SCAF11: variants seen among roughly 807,000 people sequenced by gnomAD.
SCAF11 encodes the protein SR-related CTD associated factor 11, also known as protein SCAF11.
SCAF11 carries 47 observed loss-of-function variants against 140.5 expected under a neutral mutation model. The observed-to-expected ratio is 0.33, with a 90% CI of 0.26 to 0.43. The LOEUF (loss-of-function observed/expected upper bound fraction) is 0.43. Among genes scored for constraint, SCAF11 ranks in the 20% least tolerant of loss-of-function variants. The pLI is 1.00. For missense variants in SCAF11, 1,645 were observed against 1,705.1 expected (o/e 0.96, Z 0.62); for synonymous variants, 557 against 579.4 (o/e 0.96, Z 0.55).
At chr12:45,981,250 A>G (rs543656532) in intron 1 of SCAF11, among the ~76,000 whole-genome samples, 25 of 152,322 alleles carry the variant, frequency 1.6e-4, no homozygotes, top group African/African-American at 4.8e-4. Context: ...CGACACCATA[A>G]AAGTATATCA....
At chr12:45,924,409 A>T (rs1324871413) in intron 12 of SCAF11, among the ~76,000 whole-genome samples, 1 of 152,160 alleles carries the variant, frequency 6.6e-6, no homozygotes, top group African/African-American at 2.4e-5. Context: ...CAGGGGAAAA[A>T]TGTAAAGCAC....
chr12:45,948,665 T>A (rs925381414), intron 4 of SCAF11, 128 bp from the exon 5 acceptor site: 2 of 618,368 alleles, frequency 3.2e-6, no homozygotes, highest in Admixed American at 2.9e-5. Flanking sequence ...TCCAAATACA[T>A]ATGCTTATTC....
chr12:45,964,116 C>T lies in SCAF11; in HGVS notation c.52G>A (p.Asp18Asn), dbSNP rs1464205480. The change falls in exon 2 of 15, where the codon GAC (aspartate) becomes AAC (asparagine). Residue 18 changes from aspartate (D) to asparagine (N), a missense_variant. Asp to Asn is a conservative substitution (Grantham distance 23). Coordinates refer to ENST00000369367, the MANE Select transcript of SCAF11 (RefSeq NM_004719.3). Reference protein sequence around the residue: ...TLNMGDKKYEDMEGEENGDNT... With the variant: ...TLNMGDKKYENMEGEENGDNT... ...AAAAATGAAAAGTTACCTTCCATGT[C>T]TTCATACTTCTTATCTCCCATATTT... 7 of 1,508,668 alleles carry T rather than the reference C, an allele frequency of 4.6e-6. No homozygotes were observed. In the South Asian group the frequency reaches 7.0e-5, roughly 15 times the overall value. 93.5% of individuals were successfully genotyped at this position (1,508,668 alleles called of 1,614,324 possible).
chr12:45,955,609 T>C (rs1222790486), intron 3 of SCAF11: 4 of 152,962 alleles, frequency 2.6e-5, no homozygotes, highest in Non-Finnish European at 4.4e-5. Flanking sequence ...TTTAAACTAA[T>C]GTAAAGAAAT....
At position 45,939,859 on chromosome 12, in the gene SCAF11, C is replaced by T. The variant is rs148867730; in HGVS notation, c.464-5354G>A. ...AAAAGAAATTTAAATTATCCTTAGGCTATATCATGGTTTCTGTTCAGTGTA... is the reference window on the plus strand; with the variant it reads ...AAAAGAAATTTAAATTATCCTTAGGTTATATCATGGTTTCTGTTCAGTGTA... On this transcript the variant is annotated intron_variant, in intron 6 of 14. Coordinates refer to ENST00000369367, the MANE Select transcript of SCAF11 (RefSeq NM_004719.3). Among the ~76,000 whole-genome samples the T allele has an allele frequency of 6.4e-3, 968 of 152,296 alleles. 6 individuals are homozygous for T. Among genetic ancestry groups the T allele is most frequent in the Non-Finnish European group, 0.01 (714 of 68,012 alleles).
intron 5 of SCAF11, 137 bp downstream of exon 5, chr12:45,948,300 C>T: frequency 5.0e-6 from 3 of 599,758 alleles, no homozygotes; most frequent in Non-Finnish European, 5.8e-6. Context: ...CTAGTCCCTC[C>T]TTAAATTATC....
Position 45,927,543 on chromosome 12 carries a change from C to T in SCAF11, c.2158G>A (p.Glu720Lys). Residue 720 changes from glutamate to lysine, a missense_variant, in exon 11 of 15, where the codon GAG becomes AAG. By Grantham distance (56) the Glu-to-Lys change is moderately conservative (BLOSUM62 1). Transcript: ENST00000369367. ...TGGTCACTGCAAAATGAATCACACTCCATAGGTATCATTTCATTGTTGTCC... is the reference window on the plus strand; with the variant it reads ...TGGTCACTGCAAAATGAATCACACTTCATAGGTATCATTTCATTGTTGTCC... ...SEDNNEMIPM[E>K]CDSFCSDQNE... 6.2e-7 allele frequency: 1 copy of T among 1,613,452 alleles called. No homozygotes were observed. Among genetic ancestry groups the T allele is most frequent in the Non-Finnish European group, 8.5e-7 (1 of 1,179,932 alleles).
rs369652954 is a variant in SCAF11 at position 45,948,560 on chromosome 12, T to C, written c.298-23A>G. On this transcript the variant is annotated intron_variant, in intron 4 of 14. Transcript: ENST00000369367. ...AACCTATGAGAAAAGCAAAATCAAT[T>C]TAGAGCAACAATCCAGCCTTACAAA... 7 of 1,398,234 alleles carry C rather than the reference T, an allele frequency of 5.0e-6. No individual in the cohort carries two copies. In the African/African-American group the frequency reaches 8.6e-5, roughly 17 times the overall value. The allele number at this position is 1,398,234 out of a possible 1,614,324, so 86.6% of individuals were successfully genotyped here.
intron 6 of SCAF11, among the ~76,000 whole-genome samples, chr12:45,937,868 C>T (rs1945206282): frequency 6.6e-6 from 1 of 152,130 alleles, no homozygotes; most frequent in Non-Finnish European, 1.5e-5. Context: ...TCCAGTCTTT[C>T]ATTGGGTACT....
At chr12:45,925,685 G>C (rs1224055874) in intron 11 of SCAF11, among the ~76,000 whole-genome samples, 1 of 151,522 alleles carries the variant, frequency 6.6e-6, no homozygotes, top group Non-Finnish European at 1.5e-5. Flanking sequence ...TAAATTATAA[G>C]GTTATTCAAT....
intron 5 of SCAF11, among the ~76,000 whole-genome samples, chr12:45,946,556 A>G (rs1945427733): frequency 6.6e-6 from 1 of 152,222 alleles, no homozygotes. Context: ...TTAGACTCAA[A>G]TAAGAGCTGT....
At position 45,926,720 on chromosome 12, in the gene SCAF11, T is replaced by G; in HGVS notation, c.2981A>C (p.Glu994Ala). The G allele has an allele frequency of 6.2e-7, 1 of 1,613,338 alleles. No individual in the cohort carries two copies. The change falls in exon 11 of 15, where the codon GAA becomes GCA. Residue 994 changes from glutamate (E) to alanine (A), a missense_variant. Transcript: ENST00000369367. ...YRKNDPEKQN[E>A]NTRKEKNDIH... ...GTCATTTTTTTCTTTTCTTGTATTT[T>G]CATTCTGTTTCTCTGGGTCATTCTT...
At position 45,942,422 on chromosome 12, in the gene SCAF11, T is replaced by C. The variant is rs534324101; in HGVS notation, c.463+2827A>G. 3.9e-5 allele frequency among the ~76,000 whole-genome samples: 6 copies of C among 152,248 alleles called. No individual in the cohort carries two copies. The South Asian group carries it at 1.2e-3, about 31-fold the overall frequency. ...TTCCACTTCTACTCTTATTCGTCTA[T>C]GATTTTCTTCCCTTCACAGCCAGAG... On this transcript the variant is annotated intron_variant, in intron 6 of 14. Coordinates refer to ENST00000369367, the MANE Select transcript of SCAF11 (RefSeq NM_004719.3).
intron 8 of SCAF11, 80 bp from the exon 9 acceptor site, chr12:45,933,312 C>A: frequency 1.1e-6 from 1 of 926,752 alleles, no homozygotes; most frequent in South Asian, 1.6e-5. Context: ...CAAAGAATAG[C>A]AGTCGTTTTT....
chr12:45,954,979 T>C (rs560328608), intron 3 of SCAF11: 41 of 151,906 alleles, frequency 2.7e-4, no homozygotes, highest in African/African-American at 8.9e-4. Context: ...GTTTGCCTAG[T>C]TTCATTTTAA....
At chr12:45,935,936 T>C (rs1362652322) in intron 6 of SCAF11, among the ~76,000 whole-genome samples, 1 of 152,220 alleles carries the variant, frequency 6.6e-6, no homozygotes, top group Non-Finnish European at 1.5e-5. Flanking sequence ...TGGGCAGTGA[T>C]ACGCCTTTTC....
In SCAF11 at chr12:45,964,881, C is replaced by T. The variant is rs1415209760; in HGVS notation, c.-21-693G>A. ...TATGGAGAAATACAATAACATTTAG[C>T]TAGGCCAATCTCACAATTGAGCGGG... On this transcript the variant is annotated intron_variant, in intron 1 of 14. Transcript: ENST00000369367. 3.9e-5 allele frequency among the ~76,000 whole-genome samples: 6 copies of T among 151,984 alleles called. No individual in the cohort carries two copies. The East Asian group carries it at 9.6e-4, about 24-fold the overall frequency.
Position 45,933,140 on chromosome 12 carries a change from C to A in SCAF11, c.725G>T (p.Gly242Val). 1 of 1,606,406 alleles carries A rather than the reference C, an allele frequency of 6.2e-7. No homozygotes were observed. The highest frequency in any genetic ancestry group is 8.5e-7 in the Non-Finnish European group (1 of 1,175,710). ...AATTTTTTATTTTTACCTTCCAATT[C>A]CAGGTAATGTATCAGGAAACCATGA... ...ELSWFPDTLP[G>V]IGRIGFIPWN... The change falls in exon 9 of 15, where the codon GGA (glycine) becomes GTA (valine). Residue 242 changes from glycine (G) to valine (V), a missense_variant. Transcript: ENST00000369367.
intron 3 of SCAF11, chr12:45,956,035 T>A: frequency 1.4e-6 from 1 of 702,624 alleles, no homozygotes; most frequent in Non-Finnish European, 2.6e-6. Flanking sequence ...ACCCTACTAT[T>A]CTGAAGCATT....
Sources: gnomAD v4.1 joint callset for allele counts (sites outside exome capture counted in the v4.1 genomes callset) on GRCh38, gnomAD v4.1.1 for gene constraint, MANE v1.5 for transcripts, NCBI Gene and HGNC (gene_info 2026-07-23, HGNC 2026-07-21) for gene names.